Variants in HEATR5B observed in about 807,000 individuals in gnomAD.
The protein encoded by HEATR5B is HEAT repeat-containing protein 5B.
HEATR5B carries 156 observed loss-of-function variants against 224.1 expected under a neutral mutation model. That is an observed-to-expected ratio of 0.70 (90% CI 0.61 to 0.80). The LOEUF is 0.80. Ranked by LOEUF, HEATR5B falls within the 30% of genes least tolerant of loss-of-function variation. HEATR5B has a pLI of 0.00. For missense variants in HEATR5B, 2,323 were observed against 2,535.5 expected, an observed-to-expected ratio of 0.92 and a Z score of 1.80; for synonymous variants, 1,027 against 893.0, an observed-to-expected ratio of 1.15 and a Z score of -2.68.
chr2:37,068,527 T>C (rs918197557), intron 8 of HEATR5B, among the ~76,000 whole-genome samples, 154 bp downstream of exon 8: 2 of 151,388 alleles, frequency 1.3e-5, no homozygotes, highest in Admixed American at 1.3e-4. Flanking sequence ...ACTGTAATTA[T>C]GTGATTTTAA....
In HEATR5B at chr2:37,054,186, TTCTC is replaced by T. The variant is rs927507656; in HGVS notation, c.2400-583_2400-580del. ...AAAATCCATGGCCATCTTAGATGAT[TTCTC>T]TGTTTTTTTTTTTTTTTTTTTGAGA... On this transcript the variant is annotated intron_variant, in intron 16 of 35. Coordinates refer to ENST00000233099, the MANE Select transcript of HEATR5B (RefSeq NM_019024.3). Among the ~76,000 whole-genome samples the T allele has an allele frequency of 1.9e-4, 26 of 138,174 alleles. No individual in the cohort carries two copies. In the South Asian group the frequency reaches 5.8e-3, roughly 31 times the overall value. 90.6% of individuals were successfully genotyped at this position (138,174 alleles called of 152,430 possible).
intron 34 of HEATR5B, among the ~76,000 whole-genome samples, chr2:36,989,656 G>C (rs770441446): frequency 2.0e-4 from 30 of 152,034 alleles, no homozygotes; most frequent in Non-Finnish European, 4.1e-4. Flanking sequence ...GTATTAGAAA[G>C]GCTTCAGATT....
intron 13 of HEATR5B, 57 bp downstream of exon 13, chr2:37,058,831 G>C (rs1340618178): frequency 1.9e-6 from 2 of 1,037,056 alleles, no homozygotes; most frequent in African/African-American, 3.3e-5. Context: ...ATATGGCTGA[G>C]AAGTATATTA....
In HEATR5B at chr2:37,018,981, G is replaced by C. The variant is rs537682057; in HGVS notation, c.4104+828C>G. Among the ~76,000 whole-genome samples, 8 of 152,162 alleles carry C rather than the reference G, an allele frequency of 5.3e-5. No homozygotes were observed. The South Asian group carries it at 1.7e-3, about 32-fold the overall frequency. ...TTGAGACCAGCCTGACCAACATGGT[G>C]AAACACTGTCTCTATTAAAAACACA... On this transcript the variant is annotated intron_variant, in intron 26 of 35. Transcript: ENST00000233099.
chr2:37,003,584 T>C lies in HEATR5B; in HGVS notation c.5008A>G (p.Arg1670Gly), dbSNP rs1667227973. ...TCTTGCAAATAATCCTGAGCAGCTCTTACTATCTGTTGTACAACTCCAGTA... is the reference window on the plus strand; with the variant it reads ...TCTTGCAAATAATCCTGAGCAGCTCCTACTATCTGTTGTACAACTCCAGTA... ...LVTGVVQQIV[R>G]AAQDYLQEKR... The change falls in exon 31 of 36, where the codon AGA (arginine) becomes GGA (glycine). Residue 1670 changes from arginine to glycine, a missense_variant. Around this residue, in one of 12 missense-constraint regions of HEATR5B, gnomAD observed 844 missense variants for 812.9 expected, o/e 1.04. Transcript: ENST00000233099. 1.9e-6 allele frequency: 3 copies of C among 1,611,856 alleles called. No individual in the cohort carries two copies. In the East Asian group the frequency reaches 6.7e-5, roughly 36 times the overall value.
Position 37,002,404 on chromosome 2 carries a change from T to C in HEATR5B, c.5219A>G (p.His1740Arg), listed in dbSNP as rs778100633. 6.2e-7 allele frequency: 1 copy of C among 1,614,122 alleles called. No individual in the cohort carries two copies. ...TGATAGTCGAGTTTTAGTGGCTATG[T>C]GACTTGGAGAGTCTGACACCTTGGT... ...LSTKVSDSPS[H>R]IATKTRLSEE... is the part of the protein sequence containing the mutation. The change falls in exon 32 of 36, where the codon CAC becomes CGC. Residue 1740 changes from histidine (H) to arginine (R), a missense_variant. This residue lies in a region of HEATR5B where 844 missense variants were observed against 812.9 expected (regional missense o/e 1.04). Coordinates refer to ENST00000233099, the MANE Select transcript of HEATR5B (RefSeq NM_019024.3).
chr2:37,026,284 C>T (rs751493704), intron 24 of HEATR5B, among the ~76,000 whole-genome samples: 11 of 152,136 alleles, frequency 7.2e-5, no homozygotes, highest in Non-Finnish European at 1.5e-4. Context: ...AGGAACACAG[C>T]CCTGCTGATG....
intron 33 of HEATR5B, among the ~76,000 whole-genome samples, chr2:36,994,838 GC>G (rs1253704470): frequency 1.3e-5 from 2 of 151,934 alleles, no homozygotes; most frequent in African/African-American, 4.8e-5. Context: ...TGCAAGCTCC[GC>G]CCCCGGGTTC....
chr2:37,078,939 A>C (rs1310902250), intron 3 of HEATR5B, among the ~76,000 whole-genome samples, 181 bp downstream of exon 3: 1 of 152,226 alleles, frequency 6.6e-6, no homozygotes, highest in Non-Finnish European at 1.5e-5. Context: ...GTATTCCAGA[A>C]TCAGCATGCC....
At chr2:36,992,619 AC>A (rs1416138354) in intron 33 of HEATR5B, among the ~76,000 whole-genome samples, 1 of 152,010 alleles carries the variant, frequency 6.6e-6, no homozygotes, top group Non-Finnish European at 1.5e-5. Context: ...AAACAAAAAA[AC>A]CCTGAAAACC....
chr2:37,037,830 A>G (rs1669597837), intron 21 of HEATR5B, 25 bp downstream of exon 21: 6 of 1,432,564 alleles, frequency 4.2e-6, no homozygotes, highest in South Asian at 1.6e-5. Flanking sequence ...TTAAAAATCA[A>G]TGAATGAAAT....
chr2:37,032,621 T>C lies in HEATR5B; in HGVS notation c.3361+8A>G. The C allele has an allele frequency of 6.2e-7, 1 of 1,604,876 alleles. No individual in the cohort carries two copies. The highest frequency in any genetic ancestry group is 8.5e-7 in the Non-Finnish European group (1 of 1,176,784). ...CAAAAAACAATATTGACCAATAATA[T>C]AACTTACTGGCACTACTGCTCTCTT... On this transcript the variant is annotated splice_region_variant and intron_variant, in intron 22 of 35. Transcript: ENST00000233099.
At chr2:36,997,315 G>T (rs1281288847) in intron 33 of HEATR5B, among the ~76,000 whole-genome samples, 1 of 151,956 alleles carries the variant, frequency 6.6e-6, no homozygotes, top group Non-Finnish European at 1.5e-5. Flanking sequence ...CTCCCAAATA[G>T]CTGGGACCAC....
intron 32 of HEATR5B, 90 bp from the exon 33 acceptor site, chr2:37,000,903 T>A: frequency 1.2e-6 from 1 of 825,702 alleles, no homozygotes; most frequent in Admixed American, 2.5e-5. Context: ...CATTTGATTG[T>A]GGTTTAATAT....
chr2:37,034,388 C>A (rs866724014), intron 21 of HEATR5B, among the ~76,000 whole-genome samples: 1 of 140,030 alleles, frequency 7.1e-6, no homozygotes, highest in Admixed American at 7.0e-5. Flanking sequence ...CCGAGGCGGG[C>A]GGATCACGAG....
chr2:37,062,964 T>C (rs1671374273), intron 10 of HEATR5B, among the ~76,000 whole-genome samples: 1 of 152,150 alleles, frequency 6.6e-6, no homozygotes, highest in African/African-American at 2.4e-5. Flanking sequence ...ATTTTAAAAA[T>C]TTCATTTTTT....
intron 17 of HEATR5B, among the ~76,000 whole-genome samples, chr2:37,050,714 T>C (rs1483833262): frequency 6.6e-6 from 1 of 152,192 alleles, no homozygotes; most frequent in East Asian, 1.9e-4. Context: ...AAGACAATTA[T>C]ATGACTTAAA....
rs144542766 is a variant in HEATR5B at position 37,054,025 on chromosome 2, T to C, written c.2400-418A>G. ...TATTTTAAAAATACTCTTAGAATAGTACCTCATGTCCTAGCCTCAGAAGCT... is the reference window on the plus strand; with the variant it reads ...TATTTTAAAAATACTCTTAGAATAGCACCTCATGTCCTAGCCTCAGAAGCT... On this transcript the variant is annotated intron_variant, in intron 16 of 35. Coordinates refer to ENST00000233099, the MANE Select transcript of HEATR5B (RefSeq NM_019024.3). Among the ~76,000 whole-genome samples, 99 of 152,088 alleles carry C rather than the reference T, an allele frequency of 6.5e-4. 1 individual carries two copies. The highest frequency in any genetic ancestry group is 2.2e-3 in the African/African-American group (90 of 41,500).
At chr2:37,083,915 C>A (rs1414961182) in intron 1 of HEATR5B, among the ~76,000 whole-genome samples, 3 of 152,194 alleles carry the variant, frequency 2.0e-5, no homozygotes, top group Non-Finnish European at 4.4e-5. Context: ...CTGCAGGTCT[C>A]CAAGACTCTT....
Sources: allele counts gnomAD v4.1 joint callset (sites outside exome capture counted in the v4.1 genomes callset), GRCh38; gene constraint gnomAD v4.1.1; regional missense constraint gnomAD v4.1.1; transcripts MANE v1.5; gene names NCBI Gene and HGNC (gene_info 2026-07-23, HGNC 2026-07-21).